KHDRBS2: variants seen among roughly 807,000 people sequenced by gnomAD.
KHDRBS2 encodes KH domain-containing, RNA-binding, signal transduction-associated protein 2.
A neutral mutation model predicts 44.3 loss-of-function variants in KHDRBS2; 26 were observed. The ratio of observed to expected loss-of-function variants is 0.59; its 90% CI spans 0.43 to 0.81. The LOEUF is 0.81. KHDRBS2 is among the 40% of genes least tolerant of loss of function. The pLI is 0.00. For synonymous variants in KHDRBS2, 194 were observed against 151.1 expected (o/e 1.28, Z -2.08); for missense variants, 476 against 433.1 (o/e 1.10, Z -0.88).
chr6:62,139,238 T>A (rs980965432), intron 2 of KHDRBS2, among the ~76,000 whole-genome samples: 1 of 151,948 alleles, frequency 6.6e-6, no homozygotes, highest in Non-Finnish European at 1.5e-5. Flanking sequence ...GAACTATTAA[T>A]TTGAGTTAAA....
At chr6:62,231,333 A>C (rs1832864742) in intron 1 of KHDRBS2, among the ~76,000 whole-genome samples, 1 of 152,186 alleles carries the variant, frequency 6.6e-6, no homozygotes, top group African/African-American at 2.4e-5. Context: ...AGAAGCAAGG[A>C]CCTTCTTCAC....
the KHDRBS2 span, among the ~76,000 whole-genome samples, chr6:61,627,209 C>T: frequency 6.4e-5 from 9 of 140,596 alleles, no homozygotes; most frequent in Non-Finnish European, 1.1e-4. Flanking sequence ...GCCGAGATCG[C>T]GCCACTGCAC....
intron 6 of KHDRBS2, among the ~76,000 whole-genome samples, chr6:61,796,820 G>T (rs1785429309): frequency 6.6e-6 from 1 of 152,164 alleles, no homozygotes; most frequent in South Asian, 2.1e-4. Flanking sequence ...CCACAGCAAT[G>T]GTTCATAGGA....
At chr6:61,774,505 G>C (rs1000121935) in intron 6 of KHDRBS2, among the ~76,000 whole-genome samples, 2 of 152,054 alleles carry the variant, frequency 1.3e-5, no homozygotes, top group African/African-American at 2.4e-5. Context: ...ACCAATAACA[G>C]ACAAACAGAG....
intron 6 of KHDRBS2, among the ~76,000 whole-genome samples, chr6:61,770,520 C>T (rs547819114): frequency 8.5e-5 from 13 of 152,164 alleles, no homozygotes; most frequent in East Asian, 3.9e-4. Flanking sequence ...AACCAAGGCA[C>T]GAGAGCTATG....
chr6:62,119,715 G>T (rs1358292006), intron 2 of KHDRBS2, among the ~76,000 whole-genome samples: 2 of 152,162 alleles, frequency 1.3e-5, no homozygotes, highest in South Asian at 2.1e-4. Flanking sequence ...CCCAGTGGTG[G>T]CAACATTCCC....
At chr6:62,263,255 T>C (rs1217595886) in intron 1 of KHDRBS2, among the ~76,000 whole-genome samples, 1 of 151,724 alleles carries the variant, frequency 6.6e-6, no homozygotes, top group African/African-American at 2.4e-5. Context: ...AATTATTTCT[T>C]ACAAATATGT....
chr6:62,242,980 T>C lies in KHDRBS2; in HGVS notation c.91+42878A>G, dbSNP rs116816058. On this transcript the variant is annotated intron_variant, in intron 1 of 8. Coordinates refer to ENST00000281156, the MANE Select transcript of KHDRBS2 (RefSeq NM_152688.4). ...AGTAACAGTGTGTGTACTCAGATCA[T>C]TTTTTGCAGAAACACTTTTCCATTT... is the stretch of plus-strand genomic sequence containing the variant. 2.6e-3 allele frequency among the ~76,000 whole-genome samples: 399 copies of C among 152,256 alleles called. 4 individuals are homozygous for C. Among genetic ancestry groups the C allele is most frequent in the African/African-American group, 8.8e-3 (367 of 41,560 alleles).
intron 4 of KHDRBS2, among the ~76,000 whole-genome samples, chr6:61,970,938 G>A (rs1283961311): frequency 2.0e-5 from 3 of 152,088 alleles, no homozygotes; most frequent in Admixed American, 6.6e-5. Flanking sequence ...GATTTGAAAT[G>A]GCAATTATAA....
chr6:62,265,784 T>C (rs1338254364), intron 1 of KHDRBS2, among the ~76,000 whole-genome samples: 1 of 152,058 alleles, frequency 6.6e-6, no homozygotes, highest in African/African-American at 2.4e-5. Flanking sequence ...GCAATGGGCC[T>C]TTTGAAACCA....
intron 6 of KHDRBS2, among the ~76,000 whole-genome samples, chr6:61,819,765 T>C (rs1306370345): frequency 6.6e-6 from 1 of 151,890 alleles, no homozygotes; most frequent in Non-Finnish European, 1.5e-5. Flanking sequence ...TGTTAAGAGA[T>C]TTGAAAGAAA....
At chr6:61,861,644 C>T (rs946713416) in intron 6 of KHDRBS2, among the ~76,000 whole-genome samples, 13 of 146,134 alleles carry the variant, frequency 8.9e-5, no homozygotes, top group African/African-American at 2.6e-4. Flanking sequence ...CCAGGTAGCA[C>T]GATGCCTCCA....
chr6:62,090,387 G>A (rs968121593), intron 2 of KHDRBS2, among the ~76,000 whole-genome samples: 3 of 152,100 alleles, frequency 2.0e-5, no homozygotes, highest in Non-Finnish European at 4.4e-5. Context: ...CAACTAGTAT[G>A]TATTAATCAA....
chr6:62,284,937 A>G (rs916091559), intron 1 of KHDRBS2, among the ~76,000 whole-genome samples: 1 of 152,172 alleles, frequency 6.6e-6, no homozygotes, highest in Non-Finnish European at 1.5e-5. Context: ...ACAAAACTGC[A>G]TTGTAACCAA....
At chr6:62,017,945 C>T (rs1781510420) in intron 3 of KHDRBS2, among the ~76,000 whole-genome samples, 1 of 151,902 alleles carries the variant, frequency 6.6e-6, no homozygotes, top group South Asian at 2.1e-4. Context: ...AAAATTTATT[C>T]TCCACTGCAA....
intron 4 of KHDRBS2, among the ~76,000 whole-genome samples, chr6:61,943,618 A>C (rs1812593309): frequency 6.9e-6 from 1 of 145,930 alleles, no homozygotes; most frequent in Non-Finnish European, 1.5e-5. Flanking sequence ...TAAGAGCTCA[A>C]TAGCACAGAT....
the KHDRBS2 span, among the ~76,000 whole-genome samples, chr6:61,633,246 G>T: frequency 6.6e-6 from 1 of 152,006 alleles, no homozygotes; most frequent in Admixed American, 6.6e-5. Context: ...CAATAATTTT[G>T]ACTGAGAAAG....
the KHDRBS2 span, among the ~76,000 whole-genome samples, chr6:61,643,907 T>C: frequency 3.1e-3 from 471 of 152,298 alleles, 2 homozygotes; most frequent in Non-Finnish European, 5.6e-3. Flanking sequence ...TTCAATGCTA[T>C]TCCTATCAAA....
intron 2 of KHDRBS2, among the ~76,000 whole-genome samples, chr6:62,158,712 T>C (rs1394039517): frequency 6.6e-6 from 1 of 152,142 alleles, no homozygotes; most frequent in African/African-American, 2.4e-5. Context: ...GGAAGATAAA[T>C]CTTACCCTGA....
Sources: gnomAD v4.1 joint callset for allele counts (sites outside exome capture counted in the v4.1 genomes callset) on GRCh38, gnomAD v4.1.1 for gene constraint, MANE v1.5 for transcripts, NCBI Gene and HGNC (gene_info 2026-07-23, HGNC 2026-07-21) for gene names.